FIGN: variants seen among roughly 807,000 people sequenced by gnomAD.
FIGN encodes the protein fidgetin, microtubule severing factor.
FIGN carries 11 observed loss-of-function variants against 51.3 expected under a neutral mutation model. That is an observed-to-expected ratio of 0.21 (90% CI 0.13 to 0.35). The LOEUF (loss-of-function observed/expected upper bound fraction) is 0.35. Ranked by LOEUF, FIGN falls within the 10% of genes least tolerant of loss-of-function variation. The probability of loss-of-function intolerance (pLI) is 1.00; values close to 1 mark genes in which losing one functional copy is unlikely to be tolerated. For missense variants in FIGN, 857 were observed against 943.6 expected, an observed-to-expected ratio of 0.91 and a Z score of 1.20; for synonymous variants, 407 against 363.2, an observed-to-expected ratio of 1.12 and a Z score of -1.37.
At chr2:163,732,714 A>G (rs1409545384) in intron 2 of FIGN, among the ~76,000 whole-genome samples, 1 of 152,226 alleles carries the variant, frequency 6.6e-6, no homozygotes, top group African/African-American at 2.4e-5. Flanking sequence ...TTAAAAATCT[A>G]TACTGGTCAA....
At chr2:163,690,177 A>G (rs1011774204) in intron 2 of FIGN, among the ~76,000 whole-genome samples, 1 of 152,184 alleles carries the variant, frequency 6.6e-6, no homozygotes, top group East Asian at 1.9e-4. Flanking sequence ...TGAGGCCAGT[A>G]TTTCTTAAAC....
intron 2 of FIGN, among the ~76,000 whole-genome samples, chr2:163,668,972 T>C (rs1020393671): frequency 1.3e-5 from 2 of 148,816 alleles, no homozygotes. Context: ...ACATTTAGTA[T>C]AGATTTCAGG....
chr2:163,621,426 C>G (rs924596770), intron 2 of FIGN, among the ~76,000 whole-genome samples: 1 of 152,068 alleles, frequency 6.6e-6, no homozygotes, highest in Non-Finnish European at 1.5e-5. Context: ...ATAATTTAGT[C>G]CAGCCTGAAG....
intron 2 of FIGN, among the ~76,000 whole-genome samples, chr2:163,698,985 T>C (rs1395255523): frequency 1.3e-5 from 2 of 152,180 alleles, no homozygotes; most frequent in Non-Finnish European, 1.5e-5. Flanking sequence ...CAGTCTCATG[T>C]TGACAAAGTA....
intron 2 of FIGN, among the ~76,000 whole-genome samples, chr2:163,634,477 C>T (rs1683195515): frequency 6.6e-6 from 1 of 151,996 alleles, no homozygotes; most frequent in African/African-American, 2.4e-5. Flanking sequence ...TTTTTATTTC[C>T]TGGGCCATCT....
intron 2 of FIGN, among the ~76,000 whole-genome samples, chr2:163,637,538 A>G (rs1382361716): frequency 6.6e-6 from 1 of 152,220 alleles, no homozygotes; most frequent in Admixed American, 6.5e-5. Context: ...GAAGATAGAC[A>G]AAATTGTAGG....
rs10678331 is a variant in FIGN at position 163,612,692 on chromosome 2, ATGTGTGTG to A, written c.26-894_26-887del. 23 of 385,898 alleles carry A rather than the reference ATGTGTGTG, an allele frequency of 6.0e-5. No homozygotes were observed. The South Asian group carries it at 1.4e-3, about 24-fold the overall frequency. The allele number at this position is 385,898 out of a possible 1,614,324, so 23.9% of individuals were successfully genotyped here. On this transcript the variant is annotated intron_variant, in intron 2 of 2. Coordinates refer to ENST00000333129, the MANE Select transcript of FIGN (RefSeq NM_018086.4). ...GCCTGCAAGGTACTAAGAGGGGAGA[ATGTGTGTG>A]TGTGTGTGTGTGTGTGTGTATTTAT...
At chr2:163,613,193 C>T (rs908499269) in intron 2 of FIGN, among the ~76,000 whole-genome samples, 1 of 151,950 alleles carries the variant, frequency 6.6e-6, no homozygotes, top group Non-Finnish European at 1.5e-5. Context: ...TTTCCCATTG[C>T]TGGCTCATCT....
intron 2 of FIGN, among the ~76,000 whole-genome samples, chr2:163,703,797 C>T (rs1237257634): frequency 6.6e-6 from 1 of 152,136 alleles, no homozygotes; most frequent in African/African-American, 2.4e-5. Context: ...TCCAGCTACA[C>T]ATCGTAACCC....
At chr2:163,682,032 T>C (rs1684073173) in intron 2 of FIGN, among the ~76,000 whole-genome samples, 1 of 152,178 alleles carries the variant, frequency 6.6e-6, no homozygotes, top group Non-Finnish European at 1.5e-5. Flanking sequence ...GGGGCTGATG[T>C]GCTAAGAGAC....
chr2:163,660,874 TATATA>T lies in FIGN; in HGVS notation c.26-49073_26-49069del, dbSNP rs1393412343. ...ATATGTATACATATATATATATATA[TATATA>T]TTTTTTTTTTTTTTTTTTTTTTTTT... is the stretch of plus-strand genomic sequence containing the variant. On this transcript the variant is annotated intron_variant, in intron 2 of 2. Transcript: ENST00000333129. 2.2e-4 allele frequency among the ~76,000 whole-genome samples: 3 copies of T among 13,562 alleles called. 1 individual carries two copies. The highest frequency in any genetic ancestry group is 5.0e-4 in the Non-Finnish European group (3 of 5,970). The allele number at this position is 13,562 out of a possible 152,430, so 8.9% of individuals were successfully genotyped here.
intron 2 of FIGN, among the ~76,000 whole-genome samples, chr2:163,705,414 T>A (rs1182122027): frequency 1.3e-5 from 2 of 152,108 alleles, no homozygotes; most frequent in Admixed American, 6.6e-5. Flanking sequence ...AATTTAGAAA[T>A]CTTTGGATGG....
chr2:163,631,539 A>T (rs1683146029), intron 2 of FIGN, among the ~76,000 whole-genome samples: 3 of 151,702 alleles, frequency 2.0e-5, no homozygotes, highest in African/African-American at 7.3e-5. Context: ...TCTCCTCTTT[A>T]TCCCTCCCCT....
At chr2:163,718,153 C>T (rs1308034600) in intron 2 of FIGN, among the ~76,000 whole-genome samples, 1 of 152,166 alleles carries the variant, frequency 6.6e-6, no homozygotes, top group Non-Finnish European at 1.5e-5. Context: ...GCTGCTTCCA[C>T]TTTCTAATGT....
chr2:163,703,468 CT>C (rs1684441434), intron 2 of FIGN, among the ~76,000 whole-genome samples: 1 of 152,080 alleles, frequency 6.6e-6, no homozygotes, highest in South Asian at 2.1e-4. Flanking sequence ...TTTTCATTTT[CT>C]ATTTTAAAAC....
chr2:163,716,955 G>C (rs1238246543), intron 2 of FIGN, among the ~76,000 whole-genome samples: 1 of 152,120 alleles, frequency 6.6e-6, no homozygotes, highest in South Asian at 2.1e-4. Flanking sequence ...CCAGTACATT[G>C]CTTTACATAT....
At chr2:163,708,411 T>C (rs1332434365) in intron 2 of FIGN, among the ~76,000 whole-genome samples, 1 of 152,168 alleles carries the variant, frequency 6.6e-6, no homozygotes, top group Non-Finnish European at 1.5e-5. Context: ...CAATTTACTA[T>C]TGACAAGCAC....
Position 163,610,967 on chromosome 2 carries a change from T to C in FIGN, c.865A>G (p.Thr289Ala), listed in dbSNP as rs778065250. The stretch of plus-strand genomic sequence containing the variant: ...CCCTGGTAGGTGTAGCCAGGAACAG[T>C]GGTGGGGGGTAGGGGGGTGGGAGCA... ...IPAPTPLPPTTVPGYTYQGHG... is the reference protein window; with the variant it reads ...IPAPTPLPPTAVPGYTYQGHG... The change falls in exon 3 of 3, where the codon ACT (threonine) becomes GCT (alanine). Residue 289 changes from threonine to alanine, a missense_variant. Physicochemically the swap from Thr to Ala is moderately conservative, Grantham distance 58. Transcript: ENST00000333129. 2 of 1,573,032 alleles carry C rather than the reference T, an allele frequency of 1.3e-6. No individual in the cohort carries two copies. The highest frequency in any genetic ancestry group is 1.7e-6 in the Non-Finnish European group (2 of 1,158,854).
chr2:163,713,408 T>C (rs1198821113), intron 2 of FIGN, among the ~76,000 whole-genome samples: 1 of 151,946 alleles, frequency 6.6e-6, no homozygotes, highest in East Asian at 1.9e-4. Context: ...TAAAGGATTT[T>C]ATATATGAGA....
Sources: allele counts gnomAD v4.1 joint callset (sites outside exome capture counted in the v4.1 genomes callset), GRCh38; gene constraint gnomAD v4.1.1; transcripts MANE v1.5; gene names NCBI Gene and HGNC (gene_info 2026-07-23, HGNC 2026-07-21).